Variants in CSMD1 observed in about 807,000 individuals in gnomAD.
CSMD1 encodes CUB and sushi domain-containing protein 1.
CSMD1 carries 213 observed loss-of-function variants against 417.5 expected under a neutral mutation model. The ratio of observed to expected loss-of-function variants is 0.51; its 90% confidence interval spans 0.46 to 0.57. CSMD1 has a LOEUF of 0.57. Among genes scored for constraint, CSMD1 ranks in the 20% least tolerant of loss-of-function variants. CSMD1 has a pLI of 0.00. For synonymous variants in CSMD1, 2,862 were observed against 1,736.8 expected, an observed-to-expected ratio of 1.65 and a Z score of -16.11; for missense variants, 6,923 against 4,529.7, an observed-to-expected ratio of 1.53 and a Z score of -15.17.
chr8:4,181,271 T>C (rs1798355629), intron 3 of CSMD1, among the ~76,000 whole-genome samples: 2 of 152,204 alleles, frequency 1.3e-5, no homozygotes, highest in Non-Finnish European at 2.9e-5. Context: ...CCCAATCTCA[T>C]CTGAATTTGA....
At chr8:3,726,976 T>C (rs998238608) in intron 6 of CSMD1, among the ~76,000 whole-genome samples, 6 of 152,206 alleles carry the variant, frequency 3.9e-5, no homozygotes, top group African/African-American at 1.4e-4. Context: ...TGAATATACA[T>C]ACCACCAGTA....
chr8:3,306,692 T>A (rs11136603), intron 25 of CSMD1, among the ~76,000 whole-genome samples: 3 of 152,000 alleles, frequency 2.0e-5, no homozygotes, highest in African/African-American at 7.2e-5. Flanking sequence ...AAAAATACAT[T>A]TTAAAAAGGA....
intron 1 of CSMD1, among the ~76,000 whole-genome samples, chr8:4,798,070 T>C (rs1048536594): frequency 3.3e-5 from 5 of 152,222 alleles, no homozygotes; most frequent in Admixed American, 3.3e-4. Context: ...CGTGCAGGTT[T>C]CTTAAGTATG....
intron 10 of CSMD1, among the ~76,000 whole-genome samples, chr8:3,520,039 T>TATATATATATATACACACACAC (rs545212684): frequency 9.5e-5 from 14 of 147,184 alleles, no homozygotes; most frequent in African/African-American, 3.4e-4. Context: ...TATATATATA[T>TATATATATATATACACACACAC]ACACGTATAG....
At chr8:3,226,577 G>C (rs934215799) in intron 27 of CSMD1, among the ~76,000 whole-genome samples, 2 of 124,028 alleles carry the variant, frequency 1.6e-5, no homozygotes, top group African/African-American at 6.5e-5. Flanking sequence ...GCAAGACTCT[G>C]TCTCAAAAAA....
chr8:3,685,797 A>G (rs764906765), intron 7 of CSMD1, among the ~76,000 whole-genome samples: 5 of 152,110 alleles, frequency 3.3e-5, no homozygotes, highest in South Asian at 2.1e-4. Flanking sequence ...AGTTATATAC[A>G]TTTATAAAGT....
chr8:4,375,002 T>C (rs1432137406), intron 3 of CSMD1, among the ~76,000 whole-genome samples: 1 of 124,096 alleles, frequency 8.1e-6, no homozygotes, highest in Non-Finnish European at 1.7e-5. Flanking sequence ...CAAGGAGCAA[T>C]AGTGGGGACA....
chr8:4,512,881 C>G (rs1038756937), intron 2 of CSMD1, among the ~76,000 whole-genome samples: 36 of 150,386 alleles, frequency 2.4e-4, no homozygotes, highest in African/African-American at 8.5e-4. Flanking sequence ...ATACCTATTA[C>G]CAAGTGAAAG....
At chr8:3,467,490 G>C (rs368442258) in intron 12 of CSMD1, among the ~76,000 whole-genome samples, 197 of 152,328 alleles carry the variant, frequency 1.3e-3, no homozygotes, top group African/African-American at 4.5e-3. Flanking sequence ...GTATTCAGCA[G>C]TTGCCTCTGC....
At chr8:4,909,529 G>A (rs1805521512) in intron 1 of CSMD1, among the ~76,000 whole-genome samples, 1 of 152,130 alleles carries the variant, frequency 6.6e-6, no homozygotes, top group Admixed American at 6.5e-5. Flanking sequence ...GATGTAGAAG[G>A]ATCTAGGATA....
intron 37 of CSMD1, among the ~76,000 whole-genome samples, chr8:3,179,586 G>C (rs530942579): frequency 6.6e-6 from 1 of 152,210 alleles, no homozygotes; most frequent in East Asian, 1.9e-4. Flanking sequence ...ATAATAATAA[G>C]CATAGATGAA....
chr8:3,286,379 C>G (rs1405394146), intron 25 of CSMD1, among the ~76,000 whole-genome samples: 1 of 152,056 alleles, frequency 6.6e-6, no homozygotes, highest in Non-Finnish European at 1.5e-5. Flanking sequence ...ATTTCCAGTT[C>G]TAGATCCCTG....
chr8:3,637,194 T>G (rs1354590640), intron 7 of CSMD1, among the ~76,000 whole-genome samples: 1 of 152,222 alleles, frequency 6.6e-6, no homozygotes, highest in Non-Finnish European at 1.5e-5. Context: ...ACACAGTTTT[T>G]AAGCTGTGTG....
intron 3 of CSMD1, among the ~76,000 whole-genome samples, chr8:4,214,874 A>T (rs955499706): frequency 1.2e-4 from 17 of 145,832 alleles, no homozygotes; most frequent in Non-Finnish European, 2.0e-4. Flanking sequence ...GCGTTTTTTT[A>T]AAAAAATGTA....
At chr8:3,846,999 A>C (rs1431597787) in intron 5 of CSMD1, among the ~76,000 whole-genome samples, 1 of 152,022 alleles carries the variant, frequency 6.6e-6, no homozygotes, top group African/African-American at 2.4e-5. Context: ...TTAAATATGA[A>C]TTTTCCAGAT....
intron 3 of CSMD1, among the ~76,000 whole-genome samples, chr8:4,235,744 G>C (rs1278546587): frequency 6.6e-6 from 1 of 151,956 alleles, no homozygotes; most frequent in Non-Finnish European, 1.5e-5. Flanking sequence ...AGTGTAATGA[G>C]GAAAAAATGT....
Position 3,630,755 on chromosome 8 carries a change from G to T in CSMD1, c.1010-13958C>A, listed in dbSNP as rs913841161. 3.3e-5 allele frequency among the ~76,000 whole-genome samples: 5 copies of T among 152,072 alleles called. 1 individual carries two copies. Among genetic ancestry groups the T allele is most frequent in the Admixed American group, 2.6e-4 (4 of 15,264 alleles). On this transcript the variant is annotated intron_variant, in intron 7 of 69. Transcript: ENST00000635120. ...TCTCTGAAGCCACTGAGCCAACGGT[G>T]GTAGCACTCACCATGGTGGCTAAAG...
chr8:3,657,927 C>T (rs2469385), intron 7 of CSMD1, among the ~76,000 whole-genome samples: 101,504 of 152,006 alleles, frequency 0.67, 34,810 homozygotes, highest in Non-Finnish European at 0.74. Flanking sequence ...TTTCCTTTTT[C>T]TGATGGGGAG....
chr8:4,590,171 GT>G (rs72043012), intron 2 of CSMD1, among the ~76,000 whole-genome samples: 22 of 149,258 alleles, frequency 1.5e-4, no homozygotes, highest in East Asian at 3.9e-4. Flanking sequence ...TCTTTATGCT[GT>G]TTTTTTTTTC....
Sources: gnomAD v4.1 joint callset for allele counts (sites outside exome capture counted in the v4.1 genomes callset) on GRCh38, gnomAD v4.1.1 for gene constraint, MANE v1.5 for transcripts, NCBI Gene and HGNC (gene_info 2026-07-23, HGNC 2026-07-21) for gene names.